Variants in SMYD3 observed in about 807,000 individuals in gnomAD.
The protein encoded by SMYD3 is histone-lysine N-methyltransferase SMYD3.
SMYD3 carries 36 observed loss-of-function variants against 57.7 expected under a neutral mutation model. The ratio of observed to expected loss-of-function variants is 0.62; its 90% CI spans 0.48 to 0.82. SMYD3 has a LOEUF of 0.82. Ranked by LOEUF, SMYD3 falls within the 40% of genes least tolerant of loss-of-function variation. The pLI is 0.00. For synonymous variants in SMYD3, 211 were observed against 195.0 expected (o/e 1.08, Z -0.68); for missense variants, 515 against 538.8 (o/e 0.96, Z 0.44).
At chr1:246,013,532 T>A (rs2059323957) in intron 5 of SMYD3, among the ~76,000 whole-genome samples, 1 of 152,202 alleles carries the variant, frequency 6.6e-6, no homozygotes. Context: ...GCCTATAATG[T>A]AACAGTTATT....
intron 2 of SMYD3, among the ~76,000 whole-genome samples, chr1:246,349,891 G>A (rs1266938802): frequency 6.6e-6 from 1 of 152,094 alleles, no homozygotes; most frequent in Admixed American, 6.5e-5. Context: ...GCAACAAATA[G>A]AAAACAGATA....
chr1:246,141,633 T>G (rs1412560116), intron 5 of SMYD3, among the ~76,000 whole-genome samples: 1 of 152,142 alleles, frequency 6.6e-6, no homozygotes, highest in African/African-American at 2.4e-5. Context: ...ACAGCCCCCC[T>G]GAATGTACTC....
intron 1 of SMYD3, chr1:246,425,893 A>G (rs2067210842): frequency 6.6e-6 from 1 of 152,196 alleles, no homozygotes; most frequent in Non-Finnish European, 1.5e-5. Flanking sequence ...GGAGTGCTTT[A>G]AAGTTTTCTT....
chr1:245,778,786 C>T (rs1378021857), intron 10 of SMYD3, among the ~76,000 whole-genome samples: 2 of 150,772 alleles, frequency 1.3e-5, no homozygotes, highest in Non-Finnish European at 2.9e-5. Context: ...TTAAATATGA[C>T]ACCAAAAATA....
In SMYD3 at chr1:246,117,558, A is replaced by AACTC. The variant is rs758708816; in HGVS notation, c.532-187625_532-187622dup. On this transcript the variant is annotated intron_variant, in intron 5 of 11. Transcript: ENST00000490107. The stretch of plus-strand genomic sequence containing the variant: ...TCTGATCCAGGTGTCTGGTTATACA[A>AACTC]ACTCAGTAATGACAAGGTAAGGTTT... Among the ~76,000 whole-genome samples, 146 of 152,290 alleles carry AACTC rather than the reference A, an allele frequency of 9.6e-4. 1 individual carries two copies. The highest frequency in any genetic ancestry group is 7.9e-4 in the Non-Finnish European group (54 of 68,020).
chr1:245,846,732 T>C (rs1050432540), intron 10 of SMYD3, among the ~76,000 whole-genome samples: 1 of 152,196 alleles, frequency 6.6e-6, no homozygotes, highest in Admixed American at 6.5e-5. Context: ...TTAAAGAAAG[T>C]TGAAAGGTAG....
At chr1:245,897,816 T>C (rs371183103) in intron 8 of SMYD3, among the ~76,000 whole-genome samples, 7 of 151,834 alleles carry the variant, frequency 4.6e-5, no homozygotes, top group South Asian at 2.1e-4. Context: ...GGAGAATTAC[T>C]GAAACCTGGG....
At chr1:246,012,368 G>A (rs190430853) in intron 5 of SMYD3, among the ~76,000 whole-genome samples, 11 of 152,268 alleles carry the variant, frequency 7.2e-5, no homozygotes, top group African/African-American at 1.4e-4. Flanking sequence ...GAGTTTCCAC[G>A]TGAGGAGAGA....
intron 5 of SMYD3, among the ~76,000 whole-genome samples, chr1:246,076,753 A>C (rs1244185480): frequency 6.6e-6 from 1 of 152,078 alleles, no homozygotes; most frequent in Non-Finnish European, 1.5e-5. Context: ...ATGAAAAAAA[A>C]TGCTTTGCTT....
chr1:246,206,063 G>A (rs938526289), intron 5 of SMYD3, among the ~76,000 whole-genome samples: 1 of 151,952 alleles, frequency 6.6e-6, no homozygotes, highest in East Asian at 1.9e-4. Context: ...GGCAAGGATC[G>A]GGCTTTCTAT....
intron 8 of SMYD3, among the ~76,000 whole-genome samples, chr1:245,905,630 TG>T (rs1171682828): frequency 6.6e-6 from 1 of 152,210 alleles, no homozygotes; most frequent in African/African-American, 2.4e-5. Flanking sequence ...ACCTGGGGCC[TG>T]GGGGACCTCA....
At chr1:246,469,616 A>T (rs1008087040) in intron 1 of SMYD3, among the ~76,000 whole-genome samples, 1 of 152,060 alleles carries the variant, frequency 6.6e-6, no homozygotes, top group Admixed American at 6.5e-5. Context: ...TGGAACAAAT[A>T]GGAACCCATG....
In SMYD3 at chr1:246,427,827, G is replaced by A. The variant is rs568418204; in HGVS notation, c.165-72733C>T. Among the ~76,000 whole-genome samples the A allele has an allele frequency of 3.9e-5, 6 of 152,264 alleles. No individual in the cohort carries two copies. In the East Asian group the frequency reaches 7.7e-4, roughly 20 times the overall value. On this transcript the variant is annotated intron_variant, in intron 1 of 11. Transcript: ENST00000490107. Reference sequence around the variant, plus strand: ...CATGACTGTGTCACTGCACTCCAGCGTAGGTGATACAGTGAGATCTTGTCT... The same window carrying A: ...CATGACTGTGTCACTGCACTCCAGCATAGGTGATACAGTGAGATCTTGTCT...
chr1:245,768,700 C>T (rs2046217581), intron 10 of SMYD3, among the ~76,000 whole-genome samples: 1 of 152,136 alleles, frequency 6.6e-6, no homozygotes, highest in African/African-American at 2.4e-5. Flanking sequence ...GATTAAAGCC[C>T]TTATAACACA....
chr1:246,224,192 T>G (rs2063296126), intron 5 of SMYD3, among the ~76,000 whole-genome samples: 1 of 152,056 alleles, frequency 6.6e-6, no homozygotes, highest in Non-Finnish European at 1.5e-5. Context: ...ATACTTCAGA[T>G]AATGCTAAAT....
In SMYD3 at chr1:246,087,764, G is replaced by A. The variant is rs529749769; in HGVS notation, c.532-157827C>T. 3.3e-3 allele frequency among the ~76,000 whole-genome samples: 498 copies of A among 152,040 alleles called. 7 individuals are homozygous for A. The highest frequency in any genetic ancestry group is 0.011 in the African/African-American group (451 of 41,432). On this transcript the variant is annotated intron_variant, in intron 5 of 11. Coordinates refer to ENST00000490107, the MANE Select transcript of SMYD3 (RefSeq NM_001167740.2). Reference sequence around the variant, plus strand: ...AGAATTCCAACACTGCTGTCATTACGGCTTTAGATAAAGCACCACTGACAA... The same window carrying A: ...AGAATTCCAACACTGCTGTCATTACAGCTTTAGATAAAGCACCACTGACAA...
At chr1:246,316,229 T>G (rs2065153566) in intron 5 of SMYD3, among the ~76,000 whole-genome samples, 3 of 152,120 alleles carry the variant, frequency 2.0e-5, no homozygotes, top group Admixed American at 6.6e-5. Flanking sequence ...TATAACACCT[T>G]TAATTAAGAA....
chr1:246,032,436 AGCCATGAGCT>A (rs2059694579), intron 5 of SMYD3, among the ~76,000 whole-genome samples: 1 of 152,224 alleles, frequency 6.6e-6, no homozygotes, highest in African/African-American at 2.4e-5. Flanking sequence ...GAGCATTACC[AGCCATGAGCT>A]GCCTGCCCTA....
At chr1:245,765,495 G>C (rs1298266519) in intron 10 of SMYD3, among the ~76,000 whole-genome samples, 1 of 152,122 alleles carries the variant, frequency 6.6e-6, no homozygotes, top group Non-Finnish European at 1.5e-5. Context: ...ATGATTTAGC[G>C]CCCAAATAAG....
Sources: gnomAD v4.1 joint callset for allele counts (sites outside exome capture counted in the v4.1 genomes callset) on GRCh38, gnomAD v4.1.1 for gene constraint, MANE v1.5 for transcripts, NCBI Gene and HGNC (gene_info 2026-07-23, HGNC 2026-07-21) for gene names.